LNPEP: variants seen among roughly 807,000 people sequenced by gnomAD.
The protein encoded by LNPEP is leucyl-cystinyl aminopeptidase.
Under a neutral mutation model 120.6 loss-of-function variants are expected in LNPEP, and 64 were observed. The observed-to-expected ratio is 0.53, with a 90% CI of 0.43 to 0.65. LNPEP has a LOEUF of 0.65. Among genes scored for constraint, LNPEP ranks in the 30% least tolerant of loss-of-function variants. LNPEP has a pLI of 0.00. For missense variants in LNPEP, 1,057 were observed against 1,200.0 expected (o/e 0.88, Z 1.76); for synonymous variants, 435 against 425.4 (o/e 1.02, Z -0.28).
chr5:97,008,145 C>A (rs1489825820), intron 11 of LNPEP, among the ~76,000 whole-genome samples: 1 of 151,984 alleles, frequency 6.6e-6, no homozygotes, highest in East Asian at 1.9e-4. Flanking sequence ...AACAAATAAC[C>A]CCATCTCCCT....
rs191928159 is a variant in LNPEP, at chr5:97,032,715, G to C, written c.*4182G>C. ...TGTACAGATGTTTTTGCTATTTTGT[G>C]TTATTTCATTTTGTATTTCATTCAT... On this transcript the variant is annotated 3_prime_UTR_variant, in exon 18 of 18. Transcript: ENST00000231368. The C allele has an allele frequency of 1.6e-4, 24 of 152,252 alleles. No individual in the cohort carries two copies. Among genetic ancestry groups the C allele is most frequent in the Admixed American group, 1.3e-3 (20 of 15,284 alleles). The allele number at this position is 152,252 out of a possible 1,614,324, so 9.4% of individuals were successfully genotyped here. A position where few individuals can be genotyped will look rare whatever the true frequency, so the allele number is the denominator to read the frequency against.
chr5:97,010,864 G>C, intron 11 of LNPEP: 2 of 985,382 alleles, frequency 2.0e-6, no homozygotes, highest in Middle Eastern at 1.0e-3. Context: ...AATACCTGTG[G>C]TTTTAAGGTC....
At chr5:96,966,441 A>C (rs1189434165) in intron 1 of LNPEP, among the ~76,000 whole-genome samples, 1 of 151,776 alleles carries the variant, frequency 6.6e-6, no homozygotes, top group Admixed American at 6.6e-5. Context: ...TTGAAGTTGC[A>C]GTGAGCTATA....
At chr5:97,018,810 T>C (rs17446769) in intron 13 of LNPEP, among the ~76,000 whole-genome samples, 5,698 of 152,308 alleles carry the variant, frequency 0.037, 182 homozygotes, top group Middle Eastern at 0.11. Context: ...TTTTGTTATG[T>C]AGGCTGCACA....
intron 1 of LNPEP, among the ~76,000 whole-genome samples, chr5:96,967,018 C>T (rs1367491462): frequency 1.3e-5 from 2 of 152,060 alleles, no homozygotes; most frequent in South Asian, 2.1e-4. Flanking sequence ...GGCCTCTTGA[C>T]GTCTTTTAGG....
chr5:96,984,537 T>C (rs1276394234), intron 2 of LNPEP, among the ~76,000 whole-genome samples: 1 of 152,176 alleles, frequency 6.6e-6, no homozygotes, highest in East Asian at 1.9e-4. Flanking sequence ...ACTTATTTAA[T>C]CCTAAATGGG....
In LNPEP at chr5:96,998,031, T is replaced by C. The variant is rs1349561240; in HGVS notation, c.1539T>C (p.Asp513=). 7 of 1,573,952 alleles carry C rather than the reference T, an allele frequency of 4.4e-6. No individual in the cohort carries two copies. The highest frequency in any genetic ancestry group is 2.3e-5 in the East Asian group (1 of 44,102). ...KELSSYEDFL[D]ARFKTMKKDS... ...TTTGACAGTATGAAGATTTCTTAGATGCTCGATTTAAAACCATGAAGAAAG... is the reference window on the plus strand; with the variant it reads ...TTTGACAGTATGAAGATTTCTTAGACGCTCGATTTAAAACCATGAAGAAAG... The change falls in exon 8 of 18, where the codon GAT becomes GAC. Residue 513 remains aspartate (D), a synonymous_variant. Coordinates refer to ENST00000231368, the MANE Select transcript of LNPEP (RefSeq NM_005575.3).
At chr5:96,988,956 T>C (rs944079082) in intron 4 of LNPEP, among the ~76,000 whole-genome samples, 2 of 152,146 alleles carry the variant, frequency 1.3e-5, no homozygotes, top group African/African-American at 4.8e-5. Context: ...TTCTTTCATC[T>C]AGGCAAGCTG....
At chr5:96,967,439 C>T (rs1251158573) in intron 1 of LNPEP, among the ~76,000 whole-genome samples, 1 of 151,972 alleles carries the variant, frequency 6.6e-6, no homozygotes, top group Non-Finnish European at 1.5e-5. Flanking sequence ...ACCACTGTGC[C>T]TGGCGTCTTC....
At chr5:96,957,321 C>G (rs1467925853) in intron 1 of LNPEP, among the ~76,000 whole-genome samples, 1 of 152,178 alleles carries the variant, frequency 6.6e-6, no homozygotes, top group Non-Finnish European at 1.5e-5. Flanking sequence ...CCAGTGGCTC[C>G]AATGTTAGTT....
rs138619934 is a variant in LNPEP at position 96,979,231 on chromosome 5, C to G, written c.113C>G (p.Pro38Arg). 3,295 of 1,613,848 alleles carry G rather than the reference C, an allele frequency of 2.0e-3. 5 individuals carry two copies. The highest frequency in any genetic ancestry group is 2.3e-3 in the Non-Finnish European group (2,708 of 1,179,876). ...TTAGCCAAAGAGCCTTGTTTACATC[C>G]TCTAGAGCCTGATGAGGTGGAATAT... ...VDLAKEPCLH[P>R]LEPDEVEYEP... The change falls in exon 2 of 18, where the codon CCT (proline) becomes CGT (arginine). Residue 38 changes from proline to arginine, a missense_variant. Pro to Arg is a moderately radical substitution (Grantham distance 103, BLOSUM62 -2). Transcript: ENST00000231368.
At chr5:96,985,884 C>T (rs1016027724) in intron 3 of LNPEP, among the ~76,000 whole-genome samples, 3 of 151,938 alleles carry the variant, frequency 2.0e-5, no homozygotes, top group African/African-American at 7.3e-5. Context: ...ATCCTGTAGG[C>T]AGCAGAGAGC....
At chr5:96,995,743 A>T (rs550526859) in intron 6 of LNPEP, among the ~76,000 whole-genome samples, 5 of 152,146 alleles carry the variant, frequency 3.3e-5, no homozygotes, top group African/African-American at 1.2e-4. Context: ...TGCTGGCTTG[A>T]ACTCCTGGCC....
intron 13 of LNPEP, among the ~76,000 whole-genome samples, chr5:97,021,923 GTTTTTT>G (rs1165456605): frequency 5.2e-5 from 3 of 57,170 alleles, no homozygotes; most frequent in African/African-American, 2.3e-4. Flanking sequence ...TTTGTCTTTT[GTTTTTT>G]TTTTTTTTTT....
intron 1 of LNPEP, among the ~76,000 whole-genome samples, chr5:96,963,802 T>A (rs1789662374): frequency 6.6e-6 from 1 of 152,218 alleles, no homozygotes; most frequent in Admixed American, 6.5e-5. Flanking sequence ...TTATGGGGTA[T>A]AATTCCATGT....
rs771084065 is a variant in LNPEP at position 96,986,600 on chromosome 5, T to C, written c.1061T>C (p.Met354Thr). 1.6e-5 allele frequency: 26 copies of C among 1,613,756 alleles called. No individual in the cohort carries two copies. The highest frequency in any genetic ancestry group is 2.1e-5 in the Non-Finnish European group (25 of 1,179,694). ...VQDEFSESVKMSTYLVAFIVG... is the reference protein window; with the variant it reads ...VQDEFSESVKTSTYLVAFIVG... ...GATGAGTTTTCTGAGAGTGTGAAGA[T>C]GAGCACTTACTTGGTTGCTTTCATT... Residue 354 changes from methionine (M) to threonine (T), a missense_variant, in exon 4 of 18, where the codon ATG becomes ACG. Physicochemically the swap from Met to Thr is moderately conservative, Grantham distance 81. Coordinates refer to ENST00000231368, the MANE Select transcript of LNPEP (RefSeq NM_005575.3).
chr5:97,010,378 A>G, intron 11 of LNPEP: 1 of 984,860 alleles, frequency 1.0e-6, no homozygotes, highest in Non-Finnish European at 1.2e-6. Context: ...GAAAGAAGGA[A>G]GGGCATATAG....
At chr5:96,988,340 T>TTTC (rs1008625635) in intron 4 of LNPEP, among the ~76,000 whole-genome samples, 17 of 37,928 alleles carry the variant, frequency 4.5e-4, no homozygotes, top group African/African-American at 2.0e-3. Flanking sequence ...TTTTCTTTTC[T>TTTC]TTTTTTTTTT....
intron 6 of LNPEP, among the ~76,000 whole-genome samples, chr5:96,995,117 A>T (rs1182179326): frequency 1.3e-5 from 2 of 152,306 alleles, no homozygotes; most frequent in South Asian, 4.1e-4. Context: ...AAAAAAAAAT[A>T]GGTCATATAG....
Sources: gnomAD v4.1 joint callset for allele counts (sites outside exome capture counted in the v4.1 genomes callset) on GRCh38, gnomAD v4.1.1 for gene constraint, MANE v1.5 for transcripts, NCBI Gene and HGNC (gene_info 2026-07-23, HGNC 2026-07-21) for gene names.